The following SLC25A13 variants were observed in gnomAD, a reference collection of about 807,000 sequenced individuals.
SLC25A13 encodes solute carrier family 25 member 13, also known as electrogenic aspartate/glutamate antiporter SLC25A13, mitochondrial.
A neutral mutation model predicts 85.5 loss-of-function variants in SLC25A13; 70 were observed. The ratio of observed to expected loss-of-function variants is 0.82; its 90% CI spans 0.68 to 1.00. The LOEUF is 1.00. Ranked by LOEUF, SLC25A13 falls within the 50% of genes least tolerant of loss-of-function variation. The pLI, the probability that SLC25A13 is intolerant of heterozygous loss-of-function variation, is 0.00. For missense variants in SLC25A13, 765 were observed against 819.8 expected (o/e 0.93, Z 0.82); for synonymous variants, 259 against 288.7 (o/e 0.90, Z 1.04).
At chr7:96,185,165 T>C (rs1186932248) in intron 9 of SLC25A13, among the ~76,000 whole-genome samples, 154 bp from the exon 10 acceptor site, 1 of 152,260 alleles carries the variant, frequency 6.6e-6, no homozygotes, top group Non-Finnish European at 1.5e-5. Context: ...GGAATGGATT[T>C]CATAAGTTCT....
At chr7:96,134,076 T>A (rs1390169630) in intron 14 of SLC25A13, among the ~76,000 whole-genome samples, 1 of 150,620 alleles carries the variant, frequency 6.6e-6, no homozygotes, top group East Asian at 2.0e-4. Context: ...TTGCCCAGGC[T>A]GGAATGCAGT....
At chr7:96,131,277 C>G (rs1314838957) in intron 15 of SLC25A13, among the ~76,000 whole-genome samples, 2 of 151,992 alleles carry the variant, frequency 1.3e-5, no homozygotes, top group Non-Finnish European at 2.9e-5. Context: ...AGGGAGGAAA[C>G]AGGTGTCTCT....
chr7:96,218,216 C>A (rs1188157880), intron 4 of SLC25A13, among the ~76,000 whole-genome samples: 1 of 152,056 alleles, frequency 6.6e-6, no homozygotes, highest in Non-Finnish European at 1.5e-5. Context: ...TTTAATTTCT[C>A]AAAAAGCAAT....
At chr7:96,249,041 C>T (rs950402569) in intron 3 of SLC25A13, among the ~76,000 whole-genome samples, 1 of 152,172 alleles carries the variant, frequency 6.6e-6, no homozygotes, top group Non-Finnish European at 1.5e-5. Context: ...CACAATTGCA[C>T]GTGCCTCTGT....
chr7:96,206,443 GAA>G (rs1280280500), intron 5 of SLC25A13, among the ~76,000 whole-genome samples: 1 of 152,124 alleles, frequency 6.6e-6, no homozygotes, highest in Non-Finnish European at 1.5e-5. Context: ...CCTACATTCA[GAA>G]AAGAGTTCAA....
At chr7:96,195,133 T>C (rs943123050) in intron 5 of SLC25A13, among the ~76,000 whole-genome samples, 1 of 152,192 alleles carries the variant, frequency 6.6e-6, no homozygotes, top group African/African-American at 2.4e-5. Flanking sequence ...GAATTTCTGT[T>C]TAGAGAATAT....
intron 3 of SLC25A13, among the ~76,000 whole-genome samples, chr7:96,238,548 A>G (rs1796830922): frequency 6.6e-6 from 1 of 152,210 alleles, no homozygotes; most frequent in African/African-American, 2.4e-5. Context: ...CAAGCATTTC[A>G]TTTAGAGATG....
chr7:96,160,161 T>C (rs1793450904), intron 13 of SLC25A13, among the ~76,000 whole-genome samples: 2 of 152,230 alleles, frequency 1.3e-5, no homozygotes, highest in Admixed American at 1.3e-4. Context: ...CAGATTTTCC[T>C]ATCGTAACAA....
intron 1 of SLC25A13, among the ~76,000 whole-genome samples, chr7:96,318,114 C>A (rs1040554746): frequency 1.3e-5 from 2 of 152,126 alleles, no homozygotes; most frequent in Non-Finnish European, 2.9e-5. Context: ...ACCAAATTGT[C>A]TTTATTATTA....
chr7:96,163,048 A>G (rs1261031324), intron 13 of SLC25A13, among the ~76,000 whole-genome samples: 7 of 152,202 alleles, frequency 4.6e-5, no homozygotes, highest in Admixed American at 4.6e-4. Flanking sequence ...AGATGTTCCC[A>G]GCCCACAACA....
chr7:96,131,592 C>CT (rs1050570405), intron 15 of SLC25A13, 151 bp downstream of exon 15: 228 of 958,882 alleles, frequency 2.4e-4, no homozygotes, highest in Middle Eastern at 3.4e-4. Context: ...AATTTTTTCC[C>CT]TTTTTTTTCA....
At chr7:96,192,187 G>A (rs73403041) in intron 6 of SLC25A13, among the ~76,000 whole-genome samples, 1,737 of 152,248 alleles carry the variant, frequency 0.011, 34 homozygotes, top group African/African-American at 0.039. Context: ...GGGAAGAAAG[G>A]AAACTGAAAG....
At chr7:96,293,066 T>C (rs1799191055) in intron 2 of SLC25A13, among the ~76,000 whole-genome samples, 1 of 152,192 alleles carries the variant, frequency 6.6e-6, no homozygotes, top group Non-Finnish European at 1.5e-5. Flanking sequence ...AGCACGGTAC[T>C]GGTACCAAAA....
intron 3 of SLC25A13, among the ~76,000 whole-genome samples, chr7:96,253,870 T>C (rs779363661): frequency 3.9e-5 from 6 of 152,184 alleles, no homozygotes; most frequent in Non-Finnish European, 8.8e-5. Context: ...CTTTAACAGA[T>C]ATTGGAATAA....
At chr7:96,165,210 A>T (rs1793694284) in intron 13 of SLC25A13, among the ~76,000 whole-genome samples, 1 of 152,182 alleles carries the variant, frequency 6.6e-6, no homozygotes, top group African/African-American at 2.4e-5. Context: ...GTTATACAGA[A>T]TGTTTGAAGG....
At chr7:96,222,631 C>T (rs992648657) in intron 4 of SLC25A13, among the ~76,000 whole-genome samples, 1 of 151,728 alleles carries the variant, frequency 6.6e-6, no homozygotes, top group Non-Finnish European at 1.5e-5. Flanking sequence ...TTTTTAGTAG[C>T]GACGGGGTTT....
At chr7:96,299,847 A>G (rs1445993995) in intron 1 of SLC25A13, among the ~76,000 whole-genome samples, 2 of 152,228 alleles carry the variant, frequency 1.3e-5, no homozygotes, top group Admixed American at 1.3e-4. Flanking sequence ...TCTATACAGC[A>G]TGTTCCTATA....
intron 3 of SLC25A13, among the ~76,000 whole-genome samples, chr7:96,268,055 G>A (rs1584537819): frequency 1.3e-5 from 2 of 152,194 alleles, no homozygotes; most frequent in East Asian, 3.9e-4. Context: ...CTGGATCCCT[G>A]AGCCACCCGG....
intron 14 of SLC25A13, among the ~76,000 whole-genome samples, chr7:96,146,301 C>T (rs1792785054): frequency 6.6e-6 from 1 of 152,168 alleles, no homozygotes; most frequent in Admixed American, 6.5e-5. Context: ...CAAAGAGCTG[C>T]ACTGAACAAC....
Sources: allele counts gnomAD v4.1 joint callset (sites outside exome capture counted in the v4.1 genomes callset), GRCh38; gene constraint gnomAD v4.1.1; transcripts MANE v1.5; gene names NCBI Gene and HGNC (gene_info 2026-07-23, HGNC 2026-07-21).